Variants in EYA4 observed in about 807,000 individuals in gnomAD.
EYA4 encodes EYA transcriptional coactivator and phosphatase 4.
In EYA4, 31 loss-of-function variants were observed where a neutral mutation model predicts 87.9. The ratio of observed to expected loss-of-function variants is 0.35; its 90% CI spans 0.27 to 0.48. The LOEUF is 0.48. EYA4 is among the 20% of genes least tolerant of loss of function. The pLI, the probability that EYA4 is intolerant of heterozygous loss-of-function variation, is 0.99. For missense variants in EYA4, 678 were observed against 761.4 expected (o/e 0.89, Z 1.29); for synonymous variants, 263 against 270.6 (o/e 0.97, Z 0.28).
At position 133,251,059 on chromosome 6, in the gene EYA4, C is replaced by T. The variant is rs193041513; in HGVS notation, c.-66+9310C>T. ...TTGTATTTGGAGCCTTAAGAGAAGA[C>T]ACTATAGGTGCTCAACAGTTGGCAT... On this transcript the variant is annotated intron_variant, in intron 1 of 19. Coordinates refer to ENST00000355286, the MANE Select transcript of EYA4 (RefSeq NM_004100.5). Among the ~76,000 whole-genome samples the T allele has an allele frequency of 2.6e-5, 4 of 152,304 alleles. No individual in the cohort carries two copies. The East Asian group carries it at 7.7e-4, about 29-fold the overall frequency.
chr6:133,488,527 C>T (rs970215162), intron 13 of EYA4, among the ~76,000 whole-genome samples: 1 of 152,128 alleles, frequency 6.6e-6, no homozygotes, highest in African/African-American at 2.4e-5. Context: ...CACCCTTTCC[C>T]CAGCTCCAGG....
chr6:133,308,244 T>G (rs935080021), intron 2 of EYA4, among the ~76,000 whole-genome samples: 6 of 152,186 alleles, frequency 3.9e-5, no homozygotes, highest in African/African-American at 1.4e-4. Flanking sequence ...AATTTAACTT[T>G]CATGGCAATG....
Position 133,456,559 on chromosome 6 carries a change from C to A in EYA4, c.281C>A (p.Ser94Tyr), listed in dbSNP as rs2128644139. 3 of 1,607,886 alleles carry A rather than the reference C, an allele frequency of 1.9e-6. No individual in the cohort carries two copies. Among genetic ancestry groups the A allele is most frequent in the Non-Finnish European group, 2.6e-6 (3 of 1,174,370 alleles). Residue 94 changes from serine (S) to tyrosine (Y), a missense_variant, in exon 6 of 20, where the codon TCT becomes TAT. Physicochemically the swap from Ser to Tyr is moderately radical, Grantham distance 144. Transcript: ENST00000355286. ...SCNTPSSATMSLLAVKTEPLN... is the reference protein window; with the variant it reads ...SCNTPSSATMYLLAVKTEPLN... The stretch of plus-strand genomic sequence containing the variant: ...ATGTACTTATTCTTCTACGTAGTGT[C>A]TCTTCTTGCAGTCAAAACAGAGCCC...
Position 133,530,828 on chromosome 6 carries a change from T to A in EYA4, c.*2023T>A. The A allele has an allele frequency of 1.0e-6, 1 of 990,882 alleles. No homozygotes were observed. The highest frequency in any genetic ancestry group is 1.2e-6 in the Non-Finnish European group (1 of 831,946). The allele number at this position is 990,882 out of a possible 1,614,324, so 61.4% of individuals were successfully genotyped here. On this transcript the variant is annotated 3_prime_UTR_variant, in exon 20 of 20. Transcript: ENST00000355286. ...TATTCCAGGCAAATTAAAGTTGGAA[T>A]ACCTTTAATAATATAAAAATAATGA...
chr6:133,433,917 T>A (rs573150556), intron 3 of EYA4, among the ~76,000 whole-genome samples: 1 of 152,328 alleles, frequency 6.6e-6, no homozygotes, highest in South Asian at 2.1e-4. Context: ...GACTTGAGAA[T>A]TTCACTGGCT....
intron 2 of EYA4, among the ~76,000 whole-genome samples, chr6:133,350,384 A>G (rs951848739): frequency 6.6e-6 from 1 of 152,128 alleles, no homozygotes; most frequent in African/African-American, 2.4e-5. Context: ...AAATGTTCTG[A>G]TAGAGAATGC....
At position 133,448,152 on chromosome 6, in the gene EYA4, A is replaced by C; in HGVS notation, c.250A>C (p.Ser84Arg). The C allele has an allele frequency of 6.2e-7, 1 of 1,613,748 alleles. No individual in the cohort carries two copies. Among genetic ancestry groups the C allele is most frequent in the Non-Finnish European group, 8.5e-7 (1 of 1,179,684 alleles). Residue 84 changes from serine (S) to arginine (R), a missense_variant, in exon 5 of 20, where the codon AGT (serine) becomes CGT (arginine). Physicochemically the swap from Ser to Arg is moderately radical, Grantham distance 110 (BLOSUM62 -1). Coordinates refer to ENST00000355286, the MANE Select transcript of EYA4 (RefSeq NM_004100.5). Reference sequence around the variant, plus strand: ...TTTAAACACAGCAGACTGGTTGCTGAGTTGCAACACCCCCTCTTCTGCAAC... The same window carrying C: ...TTTAAACACAGCAGACTGGTTGCTGCGTTGCAACACCCCCTCTTCTGCAAC... Reference protein sequence around the residue: ...TVLNTADWLLSCNTPSSATMS... With the variant: ...TVLNTADWLLRCNTPSSATMS...
chr6:133,282,461 G>A (rs1562244222), intron 2 of EYA4, among the ~76,000 whole-genome samples: 1 of 151,940 alleles, frequency 6.6e-6, no homozygotes, highest in African/African-American at 2.4e-5. Flanking sequence ...TTATATTTTT[G>A]TGTGAGTTTA....
chr6:133,298,058 C>T (rs4493757), intron 2 of EYA4, among the ~76,000 whole-genome samples: 49,897 of 151,968 alleles, frequency 0.33, 9,725 homozygotes, highest in Middle Eastern at 0.45. Context: ...GAGTTTTTCC[C>T]CAGCATCTCT....
intron 2 of EYA4, among the ~76,000 whole-genome samples, chr6:133,338,245 A>G (rs1782522911): frequency 6.6e-6 from 1 of 152,124 alleles, no homozygotes; most frequent in Admixed American, 6.6e-5. Context: ...GAGTAAATAG[A>G]AAAAAAGGTC....
intron 4 of EYA4, 94 bp downstream of exon 4, chr6:133,446,848 T>G (rs528662974): frequency 8.8e-7 from 1 of 1,133,488 alleles, no homozygotes; most frequent in South Asian, 1.3e-5. Context: ...AATATCTTAT[T>G]ATCAATAACA....
At chr6:133,378,423 G>A (rs986745030) in intron 2 of EYA4, among the ~76,000 whole-genome samples, 23 of 152,160 alleles carry the variant, frequency 1.5e-4, no homozygotes, top group African/African-American at 5.3e-4. Flanking sequence ...TTAATAAATG[G>A]CAGTAATTAT....
At chr6:133,453,088 G>A (rs1793602060) in intron 5 of EYA4, 1 of 152,008 alleles carries the variant, frequency 6.6e-6, no homozygotes, top group Admixed American at 6.6e-5. Flanking sequence ...GTTAATTTAA[G>A]AAAGACAAAA....
intron 10 of EYA4, among the ~76,000 whole-genome samples, 185 bp downstream of exon 10, chr6:133,465,043 A>C (rs568621195): frequency 2.0e-5 from 3 of 152,060 alleles, no homozygotes; most frequent in Non-Finnish European, 4.4e-5. Flanking sequence ...TATTCTGGCT[A>C]TTTTAGATTT....
intron 17 of EYA4, among the ~76,000 whole-genome samples, chr6:133,521,352 A>G (rs1562515770): frequency 6.8e-6 from 1 of 147,756 alleles, no homozygotes; most frequent in Non-Finnish European, 1.5e-5. Context: ...CAGCCAAAAA[A>G]CACATGAAAA....
intron 12 of EYA4, 109 bp downstream of exon 12, chr6:133,481,708 T>C: frequency 1.3e-5 from 17 of 1,278,886 alleles, no homozygotes; most frequent in Non-Finnish European, 1.1e-6. Flanking sequence ...TCAAGATATA[T>C]CATGAATTGA....
intron 3 of EYA4, among the ~76,000 whole-genome samples, chr6:133,393,281 T>C (rs1406856104): frequency 2.0e-5 from 3 of 152,162 alleles, no homozygotes; most frequent in Non-Finnish European, 4.4e-5. Context: ...ATTAAATGCT[T>C]ATTCTCCCCC....
chr6:133,509,424 A>G (rs1314329337), intron 14 of EYA4, among the ~76,000 whole-genome samples: 1 of 151,680 alleles, frequency 6.6e-6, no homozygotes, highest in Non-Finnish European at 1.5e-5. Flanking sequence ...AAACCGAACC[A>G]TCTAATTTGA....
intron 3 of EYA4, among the ~76,000 whole-genome samples, chr6:133,435,825 A>C (rs906696219): frequency 2.0e-5 from 3 of 148,042 alleles, no homozygotes; most frequent in Non-Finnish European, 4.4e-5. Context: ...TCTAAAGTGC[A>C]TGTGCACGCG....
Sources: gnomAD v4.1 joint callset for allele counts (sites outside exome capture counted in the v4.1 genomes callset) on GRCh38, gnomAD v4.1.1 for gene constraint, MANE v1.5 for transcripts, NCBI Gene and HGNC (gene_info 2026-07-23, HGNC 2026-07-21) for gene names.